The following PDE4B variants were observed in gnomAD, a reference collection of about 807,000 sequenced individuals.
PDE4B encodes the protein 3',5'-cyclic-AMP phosphodiesterase 4B.
In PDE4B, 20 loss-of-function variants were observed where a neutral mutation model predicts 82.2. The observed-to-expected ratio is 0.24, with a 90% CI of 0.17 to 0.35. PDE4B has a LOEUF of 0.35. Ranked by LOEUF, PDE4B falls within the 10% of genes least tolerant of loss-of-function variation. PDE4B has a pLI of 1.00. For synonymous variants in PDE4B, 320 were observed against 318.9 expected, an observed-to-expected ratio of 1.00 and a Z score of -0.04; for missense variants, 655 against 907.2, an observed-to-expected ratio of 0.72 and a Z score of 3.57.
intron 7 of PDE4B, among the ~76,000 whole-genome samples, chr1:66,277,293 A>C (rs1325590457): frequency 6.6e-6 from 1 of 152,196 alleles, no homozygotes; most frequent in Non-Finnish European, 1.5e-5. Flanking sequence ...AGACATGTAG[A>C]TTTTACTGCA....
intron 3 of PDE4B, among the ~76,000 whole-genome samples, chr1:66,202,955 T>C (rs1084494): frequency 0.46 from 69,740 of 150,976 alleles, 16,326 homozygotes; most frequent in African/African-American, 0.53. Flanking sequence ...ATGGTCTTTA[T>C]AATTTGGCAT....
At position 66,056,988 on chromosome 1, in the gene PDE4B, C is replaced by T. The variant is rs1655336143; in HGVS notation, c.281+138153C>T. On this transcript the variant is annotated intron_variant, in intron 3 of 16. Coordinates refer to ENST00000341517, the MANE Select transcript of PDE4B (RefSeq NM_002600.4). ...ATGACAGCAGCAATAAAAACTAATA[C>T]ATGTGTACATTTCAGATTGTATTGA... 2.0e-5 allele frequency among the ~76,000 whole-genome samples: 3 copies of T among 152,278 alleles called. 1 individual carries two copies. Among genetic ancestry groups the T allele is most frequent in the South Asian group, 4.1e-4 (2 of 4,820 alleles).
At chr1:66,296,892 G>A (rs748749583) in intron 7 of PDE4B, among the ~76,000 whole-genome samples, 4 of 152,172 alleles carry the variant, frequency 2.6e-5, no homozygotes, top group Admixed American at 6.6e-5. Context: ...ACCCACCTGT[G>A]AGGTGACCCT....
At chr1:65,923,864 A>T (rs1647347203) in intron 3 of PDE4B, among the ~76,000 whole-genome samples, 1 of 151,984 alleles carries the variant, frequency 6.6e-6, no homozygotes, top group Non-Finnish European at 1.5e-5. Flanking sequence ...ATGTAAATTT[A>T]TATCTTCCTT....
intron 3 of PDE4B, among the ~76,000 whole-genome samples, chr1:66,077,214 T>G (rs1656478817): frequency 6.6e-6 from 1 of 152,176 alleles, no homozygotes. Flanking sequence ...GTGTTCAGTT[T>G]CATTCTTCTA....
chr1:66,091,805 G>C, intron 3 of PDE4B, among the ~76,000 whole-genome samples: 1 of 152,058 alleles, frequency 6.6e-6, no homozygotes, highest in Admixed American at 6.6e-5. Context: ...TGTATACTGA[G>C]AAGTAAATTT....
chr1:65,872,520 TATAATCCTCAGCACTC>T (rs1175837423), intron 1 of PDE4B, among the ~76,000 whole-genome samples: 1 of 152,204 alleles, frequency 6.6e-6, no homozygotes, highest in Non-Finnish European at 1.5e-5. Flanking sequence ...ACAGCAGCTT[TATAATCCTCAGCACTC>T]AATGAATAGA....
rs1341920313 is a variant in PDE4B, at chr1:65,997,231, T to TTGCACACAGGA, written c.281+78396_281+78397insTGCACACAGGA. On this transcript the variant is annotated intron_variant, in intron 3 of 16. Transcript: ENST00000341517. ...ATTTGTGAGGACTACCCTCTATCTC[T>TTGCACACAGGA]CTGTCCATGCTTGCACACAGGAAAC... Among the ~76,000 whole-genome samples the TTGCACACAGGA allele has an allele frequency of 8.2e-5, 12 of 146,498 alleles. No individual in the cohort carries two copies. The South Asian group carries it at 2.1e-3, about 26-fold the overall frequency.
intron 3 of PDE4B, among the ~76,000 whole-genome samples, chr1:65,941,216 T>C (rs1379291296): frequency 2.0e-5 from 3 of 152,010 alleles, no homozygotes; most frequent in African/African-American, 4.8e-5. Context: ...GAGGAATTTC[T>C]CTTCTTTGGG....
intron 1 of PDE4B, among the ~76,000 whole-genome samples, chr1:65,861,079 T>C (rs1201244386): frequency 2.0e-5 from 3 of 152,232 alleles, no homozygotes; most frequent in Non-Finnish European, 4.4e-5. Context: ...ATGTTGACTT[T>C]TGTTGCAATT....
intron 1 of PDE4B, among the ~76,000 whole-genome samples, chr1:65,890,856 C>T (rs1261249796): frequency 1.3e-5 from 2 of 151,934 alleles, no homozygotes; most frequent in Non-Finnish European, 2.9e-5. Flanking sequence ...GACACAACTG[C>T]AGAATGAACA....
At chr1:65,968,394 G>A (rs1649961247) in intron 3 of PDE4B, among the ~76,000 whole-genome samples, 1 of 152,132 alleles carries the variant, frequency 6.6e-6, no homozygotes, top group Non-Finnish European at 1.5e-5. Context: ...ATTGTGCTAT[G>A]TCATGCAGAA....
At chr1:65,874,047 G>A (rs1646607272) in intron 1 of PDE4B, among the ~76,000 whole-genome samples, 1 of 151,666 alleles carries the variant, frequency 6.6e-6, no homozygotes, top group South Asian at 2.1e-4. Flanking sequence ...TCCTACCCAT[G>A]AGCACGGAAT....
intron 3 of PDE4B, among the ~76,000 whole-genome samples, chr1:66,201,913 T>C (rs1316519431): frequency 6.6e-6 from 1 of 152,104 alleles, no homozygotes; most frequent in African/African-American, 2.4e-5. Context: ...TGCTCTTGCT[T>C]TTCTAGTTCT....
chr1:66,331,667 T>G (rs1660119717), intron 7 of PDE4B: 2 of 751,834 alleles, frequency 2.7e-6, no homozygotes, highest in Non-Finnish European at 1.6e-6. Context: ...ATCTGCAGAG[T>G]GTTCACATCT....
chr1:65,863,571 G>C (rs1646478220), intron 1 of PDE4B, among the ~76,000 whole-genome samples: 1 of 152,140 alleles, frequency 6.6e-6, no homozygotes, highest in African/African-American at 2.4e-5. Flanking sequence ...CTAATTTTCT[G>C]TCTTGTTGAT....
rs567257527 is a variant in PDE4B at position 66,195,285 on chromosome 1, G to C, written c.282-52175G>C. Among the ~76,000 whole-genome samples, 6 of 152,236 alleles carry C rather than the reference G, an allele frequency of 3.9e-5. No individual in the cohort carries two copies. The South Asian group carries it at 8.3e-4, about 21-fold the overall frequency. The stretch of plus-strand genomic sequence containing the variant: ...AATTTTCCAGAGCTTCCATGACCTT[G>C]TGTTCATTTCCCTATGTGGGAGAGA... On this transcript the variant is annotated intron_variant, in intron 3 of 16. Transcript: ENST00000341517.
intron 3 of PDE4B, among the ~76,000 whole-genome samples, chr1:66,075,677 A>G (rs950336689): frequency 2.6e-5 from 4 of 152,052 alleles, no homozygotes; most frequent in Non-Finnish European, 4.4e-5. Context: ...GAGTTGTGCA[A>G]TTGGAGCCCT....
intron 13 of PDE4B, among the ~76,000 whole-genome samples, chr1:66,366,596 T>C (rs151166508): frequency 1.8e-4 from 27 of 152,326 alleles, no homozygotes; most frequent in African/African-American, 5.5e-4. Context: ...ATCCAAAGAA[T>C]ATCTGAATGA....
Sources: gnomAD v4.1 joint callset for allele counts (sites outside exome capture counted in the v4.1 genomes callset) on GRCh38, gnomAD v4.1.1 for gene constraint, MANE v1.5 for transcripts, NCBI Gene and HGNC (gene_info 2026-07-23, HGNC 2026-07-21) for gene names.